Variants in SEL1L3 observed in about 807,000 individuals in gnomAD.
SEL1L3 encodes the protein SEL1L family member 3.
In SEL1L3, 76 loss-of-function variants were observed where a neutral mutation model predicts 142.8. The ratio of observed to expected loss-of-function variants is 0.53; its 90% CI spans 0.44 to 0.64. The LOEUF is 0.64. SEL1L3 is among the 30% of genes least tolerant of loss of function. The pLI, the probability that SEL1L3 is intolerant of heterozygous loss-of-function variation, is 0.00. For synonymous variants in SEL1L3, 504 were observed against 519.6 expected, an observed-to-expected ratio of 0.97 and a Z score of 0.41; for missense variants, 1,262 against 1,381.7, an observed-to-expected ratio of 0.91 and a Z score of 1.37.
chr4:25,756,477 G>A (rs543602009), intron 23 of SEL1L3: 115 of 984,814 alleles, frequency 1.2e-4, no homozygotes, highest in Non-Finnish European at 1.4e-4. Flanking sequence ...AGTATCTTAC[G>A]TGCATTTTTT....
intron 11 of SEL1L3, among the ~76,000 whole-genome samples, chr4:25,797,759 T>C: frequency 6.6e-6 from 1 of 152,148 alleles, no homozygotes; most frequent in East Asian, 1.9e-4. Context: ...GAGCGCCAAC[T>C]ATGTGTCAGG....
Position 25,767,610 on chromosome 4 carries a change from C to T in SEL1L3, c.2761-1G>A. 6.3e-7 allele frequency: 1 copy of T among 1,590,876 alleles called. No homozygotes were observed. The highest frequency in any genetic ancestry group is 8.6e-7 in the Non-Finnish European group (1 of 1,164,072). Reference sequence around the variant, plus strand: ...CACCCAAGTATCTCCTGGCCAGGTCCTAAGGGGTAAAGGGAAGAAAAAGTT... The same window carrying T: ...CACCCAAGTATCTCCTGGCCAGGTCTTAAGGGGTAAAGGGAAGAAAAAGTT... On this transcript the variant is annotated splice_acceptor_variant, in intron 18 of 23. Coordinates refer to ENST00000399878, the MANE Select transcript of SEL1L3 (RefSeq NM_015187.5). LOFTEE classifies it high-confidence loss of function.
chr4:25,784,313 G>A (rs770737223), intron 13 of SEL1L3, 23 bp from the exon 14 acceptor site: 1 of 1,596,460 alleles, frequency 6.3e-7, no homozygotes, highest in Non-Finnish European at 8.6e-7. Flanking sequence ...AAACAGCGAT[G>A]ATTACAAAGA....
intron 7 of SEL1L3, 36 bp downstream of exon 7, chr4:25,821,960 A>G: frequency 1.2e-6 from 2 of 1,603,442 alleles, no homozygotes; most frequent in East Asian, 2.3e-5. Context: ...CCCATCACCC[A>G]GGAGTACCGC....
intron 9 of SEL1L3, among the ~76,000 whole-genome samples, chr4:25,811,748 GTTTTTTTT>G (rs60024973): frequency 8.2e-6 from 1 of 121,614 alleles, no homozygotes; most frequent in African/African-American, 3.0e-5. Flanking sequence ...TTCTTTTCCT[GTTTTTTTT>G]TTTTTTTTTT....
At chr4:25,760,976 C>T (rs2109126998) in intron 20 of SEL1L3, among the ~76,000 whole-genome samples, 1 of 152,258 alleles carries the variant, frequency 6.6e-6, no homozygotes, top group African/African-American at 2.4e-5. Flanking sequence ...GCTGGAGCGT[C>T]AAACACAAGA....
rs1712018973 is a variant in SEL1L3, at chr4:25,788,407, A to G, written c.2077-43T>C. On this transcript the variant is annotated intron_variant, in intron 12 of 23. Transcript: ENST00000399878. The surrounding 1 kb of genome is among the most constrained non-coding windows in gnomAD (Gnocchi z 5.3). ...TTTAGAACAATGACTTTTCCTGTAT[A>G]ATGCTTAACACAAGATTTTGAAAGG... is the stretch of plus-strand genomic sequence containing the variant. 3 of 1,600,176 alleles carry G rather than the reference A, an allele frequency of 1.9e-6. No individual in the cohort carries two copies. Among genetic ancestry groups the G allele is most frequent in the African/African-American group, 1.3e-5 (1 of 74,658 alleles).
intron 5 of SEL1L3, among the ~76,000 whole-genome samples, chr4:25,831,581 A>AG (rs1715450212): frequency 6.7e-6 from 1 of 150,218 alleles, no homozygotes; most frequent in Non-Finnish European, 1.5e-5. Context: ...GCTGGAGTGC[A>AG]GGGGCGCCAT....
At chr4:25,762,994 G>A (rs1204117007) in intron 20 of SEL1L3, among the ~76,000 whole-genome samples, 1 of 147,798 alleles carries the variant, frequency 6.8e-6, no homozygotes, top group Non-Finnish European at 1.5e-5. Flanking sequence ...AAAAAAAAGT[G>A]ACAGGCACAC....
At chr4:25,782,605 G>C (rs1003180159) in intron 14 of SEL1L3, among the ~76,000 whole-genome samples, 187 bp from the exon 15 acceptor site, 2 of 152,146 alleles carry the variant, frequency 1.3e-5, no homozygotes, top group African/African-American at 4.8e-5. Context: ...AGTCTTCCCA[G>C]GTGTGTTTCA....
the SEL1L3 span, among the ~76,000 whole-genome samples, chr4:25,739,752 A>G: frequency 7.7e-6 from 1 of 129,826 alleles, no homozygotes. Flanking sequence ...ATTCTGAAAG[A>G]AAAAATAATG....
At chr4:25,740,930 G>A in the SEL1L3 span, among the ~76,000 whole-genome samples, 2 of 151,510 alleles carry the variant, frequency 1.3e-5, no homozygotes, top group African/African-American at 2.4e-5. Context: ...AATTACAGGT[G>A]CCCCCCACCA....
intron 11 of SEL1L3, among the ~76,000 whole-genome samples, chr4:25,792,863 T>A (rs1042417829): frequency 6.6e-6 from 1 of 152,106 alleles, no homozygotes; most frequent in Non-Finnish European, 1.5e-5. Context: ...TTGTTTTTTA[T>A]TTTTGGTTGT....
chr4:25,854,992 G>T (rs543488239), intron 1 of SEL1L3, among the ~76,000 whole-genome samples: 1 of 152,322 alleles, frequency 6.6e-6, no homozygotes, highest in South Asian at 2.1e-4. Flanking sequence ...ACCCTGCATG[G>T]CCTGTGCAGA....
chr4:25,730,267 G>T, the SEL1L3 span, among the ~76,000 whole-genome samples: 2 of 152,024 alleles, frequency 1.3e-5, no homozygotes, highest in Admixed American at 6.6e-5. Context: ...TGGTAATGGG[G>T]TTGCAAATTT....
chr4:25,818,824 G>A (rs1306727649), intron 8 of SEL1L3, among the ~76,000 whole-genome samples: 1 of 152,196 alleles, frequency 6.6e-6, no homozygotes, highest in African/African-American at 2.4e-5. Flanking sequence ...GAGAGCAGCA[G>A]CTGGGGACCA....
chr4:25,795,573 C>T (rs1239705662), intron 11 of SEL1L3, among the ~76,000 whole-genome samples: 1 of 152,188 alleles, frequency 6.6e-6, no homozygotes, highest in African/African-American at 2.4e-5. Context: ...ACCATCATGG[C>T]TCCCATGTTA....
At chr4:25,852,080 C>T (rs1228767730) in intron 1 of SEL1L3, among the ~76,000 whole-genome samples, 3 of 152,050 alleles carry the variant, frequency 2.0e-5, no homozygotes, top group South Asian at 4.1e-4. Flanking sequence ...TTTATGTTCT[C>T]GTTTATGCTG....
intron 20 of SEL1L3, among the ~76,000 whole-genome samples, chr4:25,761,842 C>T (rs1718397198): frequency 6.6e-6 from 1 of 152,240 alleles, no homozygotes; most frequent in African/African-American, 2.4e-5. Context: ...AGATTTCAGT[C>T]ATCCTTCTCT....
Sources: allele counts gnomAD v4.1 joint callset (sites outside exome capture counted in the v4.1 genomes callset), GRCh38; gene constraint gnomAD v4.1.1; non-coding constraint Gnocchi (gnomAD v3.1); transcripts MANE v1.5; gene names NCBI Gene and HGNC (gene_info 2026-07-23, HGNC 2026-07-21).